Variants in NT5M observed in about 807,000 individuals in gnomAD.
NT5M encodes the protein 5',3'-nucleotidase, mitochondrial.
NT5M carries 22 observed loss-of-function variants against 22.2 expected under a neutral mutation model. The observed-to-expected ratio is 0.99, with a 90% confidence interval of 0.71 to 1.41. The LOEUF (loss-of-function observed/expected upper bound fraction) is 1.41, where lower values mean the gene tolerates loss of function less well. Ranked by LOEUF, NT5M falls within the 40% of genes most tolerant of loss-of-function variation. The pLI, the probability that NT5M is intolerant of heterozygous loss-of-function variation, is 0.00. For missense variants in NT5M, 322 were observed against 314.8 expected, an observed-to-expected ratio of 1.02 and a Z score of -0.17; for synonymous variants, 167 against 133.0, an observed-to-expected ratio of 1.26 and a Z score of -1.76.
At chr17:17,312,738 C>G (rs1387294415) in intron 2 of NT5M, among the ~76,000 whole-genome samples, 1 of 151,618 alleles carries the variant, frequency 6.6e-6, no homozygotes, top group Non-Finnish European at 1.5e-5. Flanking sequence ...GCAGGAGAAT[C>G]ACCTGAGCTC....
chr17:17,342,295 A>G (rs966392949), intron 3 of NT5M, among the ~76,000 whole-genome samples: 2 of 152,158 alleles, frequency 1.3e-5, no homozygotes, highest in Non-Finnish European at 2.9e-5. Flanking sequence ...TAAGTCACAG[A>G]CCCTCTCTGA....
chr17:17,311,560 T>C (rs904484506), intron 2 of NT5M, among the ~76,000 whole-genome samples: 1 of 152,224 alleles, frequency 6.6e-6, no homozygotes, highest in Admixed American at 6.5e-5. Flanking sequence ...TAAGGATTTA[T>C]TTCTAGACTT....
intron 3 of NT5M, among the ~76,000 whole-genome samples, chr17:17,338,677 GTTTTTTTTTTTT>G (rs59650601): frequency 8.2e-5 from 6 of 73,220 alleles, no homozygotes; most frequent in African/African-American, 3.0e-4. Flanking sequence ...AATGTTAAGG[GTTTTTTTTTTTT>G]TTTTTTTTTT....
chr17:17,326,743 C>T (rs951782674), intron 3 of NT5M, among the ~76,000 whole-genome samples: 5 of 152,112 alleles, frequency 3.3e-5, no homozygotes, highest in East Asian at 1.9e-4. Context: ...GTGGCAGAGG[C>T]GTGGCTTCCC....
intron 3 of NT5M, among the ~76,000 whole-genome samples, chr17:17,331,985 T>G (rs2049397737): frequency 6.7e-6 from 1 of 149,148 alleles, no homozygotes; most frequent in Non-Finnish European, 1.5e-5. Context: ...TTTCAGTGTG[T>G]TGGCCAGGAT....
chr17:17,317,659 G>A (rs1246781310), intron 2 of NT5M, among the ~76,000 whole-genome samples: 1 of 152,070 alleles, frequency 6.6e-6, no homozygotes, highest in African/African-American at 2.4e-5. Context: ...AAAACACCTT[G>A]AAAAACATTT....
chr17:17,321,002 G>C (rs1056521317), intron 2 of NT5M, among the ~76,000 whole-genome samples: 23 of 151,710 alleles, frequency 1.5e-4, no homozygotes, highest in African/African-American at 5.6e-4. Context: ...AGGAGGCGAG[G>C]GAGTGGGGTC....
At chr17:17,317,937 AGGT>A (rs2049065462) in intron 2 of NT5M, among the ~76,000 whole-genome samples, 1 of 127,444 alleles carries the variant, frequency 7.8e-6, no homozygotes, top group Non-Finnish European at 1.6e-5. Flanking sequence ...ACTCCAGCCT[AGGT>A]GACAGAGTGA....
At position 17,306,626 on chromosome 17, in the gene NT5M, G is replaced by C. The variant is rs745714096; in HGVS notation, c.351G>C (p.Glu117Asp). The change falls in exon 2 of 5, where the codon GAG becomes GAC. Residue 117 changes from glutamate to aspartate, a missense_variant. Physicochemically the swap from Glu to Asp is conservative, Grantham distance 45. Coordinates refer to ENST00000389022, the MANE Select transcript of NT5M (RefSeq NM_020201.4). ...CAGGGGCCGTGGAAGCTGTCAAGGA[G>C]ATGGCCAGCCTACAAAAGTAAGTTT... ...PLPGAVEAVK[E>D]MASLQNTDVF... The C allele has an allele frequency of 1.2e-6, 2 of 1,613,668 alleles. No individual in the cohort carries two copies. Among genetic ancestry groups the C allele is most frequent in the Non-Finnish European group, 8.5e-7 (1 of 1,179,646 alleles).
intron 3 of NT5M, among the ~76,000 whole-genome samples, chr17:17,335,258 C>G (rs1402453933): frequency 6.6e-6 from 1 of 151,540 alleles, no homozygotes; most frequent in Admixed American, 6.6e-5. Flanking sequence ...ATATAGAATA[C>G]AAGTGATTTT....
intron 2 of NT5M, among the ~76,000 whole-genome samples, chr17:17,318,143 A>G (rs536142402): frequency 6.6e-6 from 1 of 152,074 alleles, no homozygotes; most frequent in East Asian, 1.9e-4. Flanking sequence ...GGATATTTAA[A>G]ATGTGACGTA....
intron 2 of NT5M, 140 bp from the exon 3 acceptor site, chr17:17,323,045 A>G: frequency 1.3e-6 from 1 of 768,528 alleles, no homozygotes; most frequent in Non-Finnish European, 2.4e-6. Context: ...TGGATATAGT[A>G]CAGGGGAGTG....
intron 3 of NT5M, among the ~76,000 whole-genome samples, chr17:17,326,400 G>A (rs528790614): frequency 3.7e-4 from 56 of 152,256 alleles, no homozygotes; most frequent in South Asian, 1.0e-3. Flanking sequence ...TGGAAACCGC[G>A]CATATTTAAG....
rs181047054 is a variant in NT5M at position 17,345,366 on chromosome 17, T to C, written c.544+458T>C. On this transcript the variant is annotated intron_variant, in intron 4 of 4. Coordinates refer to ENST00000389022, the MANE Select transcript of NT5M (RefSeq NM_020201.4). Reference sequence around the variant, plus strand: ...CAAAACCAAACAAGCCAGTCAACCTTGAACTGCCGTAGAAAGGAGAGGGAG... The same window carrying C: ...CAAAACCAAACAAGCCAGTCAACCTCGAACTGCCGTAGAAAGGAGAGGGAG... 14 of 670,188 alleles carry C rather than the reference T, an allele frequency of 2.1e-5. No individual in the cohort carries two copies. In the East Asian group the frequency reaches 1.0e-3, roughly 48 times the overall value. The allele number at this position is 670,188 out of a possible 1,614,324, so 41.5% of individuals were successfully genotyped here.
At chr17:17,306,371 C>T (rs73300350) in intron 1 of NT5M, among the ~76,000 whole-genome samples, 172 bp from the exon 2 acceptor site, 1 of 152,210 alleles carries the variant, frequency 6.6e-6, no homozygotes, top group African/African-American at 2.4e-5. Flanking sequence ...GAAAGGGGTT[C>T]GAAGTCCACA....
chr17:17,330,668 G>T (rs1008279633), intron 3 of NT5M, among the ~76,000 whole-genome samples: 1 of 150,936 alleles, frequency 6.6e-6, no homozygotes, highest in East Asian at 2.0e-4. Context: ...GAGCCACCGC[G>T]CCTGGCCAAC....
chr17:17,303,420 G>C lies in NT5M; in HGVS notation c.-131G>C. The C allele has an allele frequency of 1.0e-6, 1 of 980,404 alleles. No homozygotes were observed. Among genetic ancestry groups the C allele is most frequent in the Non-Finnish European group, 1.2e-6 (1 of 823,208 alleles). 60.7% of individuals were successfully genotyped at this position (980,404 alleles called of 1,614,324 possible). A position where few individuals can be genotyped will look rare whatever the true frequency, so the allele number is the denominator to read the frequency against. ...GCCCGCACCCCGCGCTCCCCGCCCCGCTCCCCGTCCCGCGCTCCACGCGCG... is the reference window on the plus strand; with the variant it reads ...GCCCGCACCCCGCGCTCCCCGCCCCCCTCCCCGTCCCGCGCTCCACGCGCG... On this transcript the variant is annotated 5_prime_UTR_variant, in exon 1 of 5. Transcript: ENST00000389022.
At chr17:17,324,133 C>T (rs2049214981) in intron 3 of NT5M, among the ~76,000 whole-genome samples, 1 of 151,522 alleles carries the variant, frequency 6.6e-6, no homozygotes, top group Admixed American at 6.6e-5. Context: ...CCTCGGCCTC[C>T]CAACGTGCTG....
chr17:17,334,342 T>C (rs1282850508), intron 3 of NT5M, among the ~76,000 whole-genome samples: 2 of 151,268 alleles, frequency 1.3e-5, no homozygotes, highest in Non-Finnish European at 2.9e-5. Context: ...GTGGATCCAG[T>C]TGTGCCTCTG....
Sources: gnomAD v4.1 joint callset for allele counts (sites outside exome capture counted in the v4.1 genomes callset) on GRCh38, gnomAD v4.1.1 for gene constraint, MANE v1.5 for transcripts, NCBI Gene and HGNC (gene_info 2026-07-23, HGNC 2026-07-21) for gene names.